The following TMEM44 variants were observed in gnomAD, a reference collection of about 807,000 sequenced individuals.
TMEM44 encodes the protein transmembrane protein 44.
Under a neutral mutation model 47.8 loss-of-function variants are expected in TMEM44, and 43 were observed. That is an observed-to-expected ratio of 0.90 (90% confidence interval 0.70 to 1.16). The LOEUF (loss-of-function observed/expected upper bound fraction) is 1.16, where lower values mean the gene tolerates loss of function less well. TMEM44 is among the 50% of genes most tolerant of loss of function. The pLI is 0.00. For synonymous variants in TMEM44, 277 were observed against 238.8 expected, an observed-to-expected ratio of 1.16 and a Z score of -1.48; for missense variants, 568 against 555.2, an observed-to-expected ratio of 1.02 and a Z score of -0.23.
At chr3:194,594,153 A>ATCTGTCTGTCTGTCTGTCTGTCTGTCTG (rs1553824446) in intron 9 of TMEM44, among the ~76,000 whole-genome samples, 65 of 148,392 alleles carry the variant, frequency 4.4e-4, no homozygotes, top group South Asian at 8.6e-4. Flanking sequence ...CTATCTATCT[A>ATCTGTCTGTCTGTCTGTCTGTCTGTCTG]TCTATCTATC....
In TMEM44 at chr3:194,600,185, G is replaced by A. The variant is rs533705872; in HGVS notation, c.1176+4102C>T. ...CAGCTCACTGCAACCTCCGCCTTCC[G>A]GGCTCAAGCAATCTTCCCACCTCAG... On this transcript the variant is annotated intron_variant, in intron 9 of 9. Coordinates refer to ENST00000347147, the MANE Select transcript of TMEM44 (RefSeq NM_001011655.3). 2.5e-3 allele frequency among the ~76,000 whole-genome samples: 378 copies of A among 152,276 alleles called. 2 individuals carry two copies. Among genetic ancestry groups the A allele is most frequent in the South Asian group, 0.021 (101 of 4,830 alleles).
At chr3:194,604,089 G>C (rs1379018520) in intron 9 of TMEM44, among the ~76,000 whole-genome samples, 198 bp downstream of exon 9, 4 of 152,134 alleles carry the variant, frequency 2.6e-5, no homozygotes, top group Non-Finnish European at 5.9e-5. Flanking sequence ...CCTGACCTCA[G>C]GTGATCCACC....
chr3:194,607,730 CG>C lies in TMEM44; in HGVS notation c.1017+3185del, dbSNP rs564082387. Among the ~76,000 whole-genome samples the C allele has an allele frequency of 1.1e-3, 161 of 152,288 alleles. 1 individual carries two copies. The highest frequency in any genetic ancestry group is 3.8e-3 in the African/African-American group (156 of 41,568). ...CCAGTACTCTGGCCCATAAGTACCA[CG>C]TAAGTGTTGGCTGCTGTTGTTTACT... On this transcript the variant is annotated intron_variant, in intron 8 of 9. Transcript: ENST00000347147.
At chr3:194,596,529 C>G (rs180717931) in intron 9 of TMEM44, among the ~76,000 whole-genome samples, 8 of 152,314 alleles carry the variant, frequency 5.3e-5, no homozygotes, top group Admixed American at 3.9e-4. Flanking sequence ...CGGCGGCTCA[C>G]ACCTGTAATC....
chr3:194,624,908 G>C (rs1005673238), intron 3 of TMEM44, among the ~76,000 whole-genome samples: 2 of 151,850 alleles, frequency 1.3e-5, no homozygotes, highest in Non-Finnish European at 2.9e-5. Context: ...TAGAGACAGG[G>C]TTTCACCATG....
At chr3:194,614,781 T>C (rs1331996545) in intron 7 of TMEM44, among the ~76,000 whole-genome samples, 1 of 152,244 alleles carries the variant, frequency 6.6e-6, no homozygotes, top group Non-Finnish European at 1.5e-5. Context: ...AGTAAATTAT[T>C]CAAAAGCTTC....
intron 9 of TMEM44, among the ~76,000 whole-genome samples, chr3:194,601,334 C>T (rs1403098670): frequency 1.4e-5 from 2 of 142,964 alleles, no homozygotes; most frequent in African/African-American, 5.2e-5. Context: ...GATGGAGTTT[C>T]GCTCTCGCTG....
At chr3:194,598,740 G>A (rs193127092) in intron 9 of TMEM44, among the ~76,000 whole-genome samples, 9 of 152,182 alleles carry the variant, frequency 5.9e-5, no homozygotes, top group Admixed American at 2.0e-4. Flanking sequence ...CTAGCGTACC[G>A]CAAGAAGTAT....
At chr3:194,599,048 A>G (rs1433188076) in intron 9 of TMEM44, among the ~76,000 whole-genome samples, 1 of 152,148 alleles carries the variant, frequency 6.6e-6, no homozygotes, top group Non-Finnish European at 1.5e-5. Flanking sequence ...AGAGACAGAC[A>G]CCCTGGGTGG....
intron 8 of TMEM44, among the ~76,000 whole-genome samples, chr3:194,609,955 G>A (rs1358209012): frequency 6.6e-6 from 1 of 152,076 alleles, no homozygotes; most frequent in Non-Finnish European, 1.5e-5. Flanking sequence ...ACGGCCGGAC[G>A]CAGTGGCTCA....
intron 9 of TMEM44, among the ~76,000 whole-genome samples, chr3:194,603,357 G>C (rs925540595): frequency 3.3e-5 from 5 of 152,200 alleles, no homozygotes; most frequent in East Asian, 1.9e-4. Context: ...GTGCTCCTCG[G>C]GGGGAGAAAA....
chr3:194,589,966 G>C (rs1006289061), intron 9 of TMEM44: 4 of 152,140 alleles, frequency 2.6e-5, no homozygotes, highest in African/African-American at 7.2e-5. Context: ...GACAGTACTA[G>C]GAAACCCAGG....
At position 194,633,243 on chromosome 3, in the gene TMEM44, C is replaced by T. The variant is rs1190111769; in HGVS notation, c.-28G>A. The T allele has an allele frequency of 7.3e-6, 9 of 1,233,016 alleles. No individual in the cohort carries two copies. The highest frequency in any genetic ancestry group is 8.2e-6 in the Non-Finnish European group (8 of 978,446). 76.4% of individuals were successfully genotyped at this position (1,233,016 alleles called of 1,614,324 possible). A position where few individuals can be genotyped will look rare whatever the true frequency, so the allele number is the denominator to read the frequency against. ...CGCGGCTGGGCGCGCGGCGCGGGGC[C>T]GGGGACCTGGGCGCAGCCTCCCTCG... On this transcript the variant is annotated 5_prime_UTR_variant, in exon 1 of 10. Transcript: ENST00000347147.
At chr3:194,613,148 AAAC>A (rs1332795713) in intron 7 of TMEM44, among the ~76,000 whole-genome samples, 3 of 152,018 alleles carry the variant, frequency 2.0e-5, no homozygotes, top group East Asian at 1.9e-4. Context: ...ATATTGCTGT[AAAC>A]AACACTTATT....
Position 194,592,090 on chromosome 3 carries a change from C to T in TMEM44, c.1177-3451G>A, listed in dbSNP as rs578253972. Among the ~76,000 whole-genome samples the T allele has an allele frequency of 2.5e-3, 378 of 152,028 alleles. 5 individuals are homozygous for T. Among genetic ancestry groups the T allele is most frequent in the Non-Finnish European group, 5.0e-3 (338 of 67,986 alleles). On this transcript the variant is annotated intron_variant, in intron 9 of 9. Coordinates refer to ENST00000347147, the MANE Select transcript of TMEM44 (RefSeq NM_001011655.3). Reference sequence around the variant, plus strand: ...AAAATTAGCCGGGCGCGGTGGCGGGCGCCTGTAGTCCCAGCTACTCGGGAG... The same window carrying T: ...AAAATTAGCCGGGCGCGGTGGCGGGTGCCTGTAGTCCCAGCTACTCGGGAG...
chr3:194,603,087 ATTGTCC>A (rs757266431), intron 9 of TMEM44, among the ~76,000 whole-genome samples: 1 of 152,104 alleles, frequency 6.6e-6, no homozygotes, highest in Non-Finnish European at 1.5e-5. Flanking sequence ...CGGCCGCTAC[ATTGTCC>A]TTGTGGTTCT....
At chr3:194,620,077 T>C (rs1473959396) in intron 5 of TMEM44, among the ~76,000 whole-genome samples, 1 of 151,928 alleles carries the variant, frequency 6.6e-6, no homozygotes, top group Admixed American at 6.6e-5. Flanking sequence ...GATCACCGAA[T>C]GTCAGGAGTT....
At chr3:194,613,885 A>G (rs76530730) in intron 7 of TMEM44, among the ~76,000 whole-genome samples, 57,443 of 151,102 alleles carry the variant, frequency 0.38, 11,712 homozygotes, top group East Asian at 0.78. Context: ...CACTTTGGGA[A>G]GCCGAGGTGG....
rs758870598 is a variant in TMEM44, at chr3:194,623,215, C to G, written c.612+9G>C. ...TGACCCACAGTCCCATCCCCACCCC[C>G]GGCCTCACAATTCTGGAGAGAGGGG... On this transcript the variant is annotated intron_variant, in intron 5 of 9. Coordinates refer to ENST00000347147, the MANE Select transcript of TMEM44 (RefSeq NM_001011655.3). 3.7e-6 allele frequency: 6 copies of G among 1,601,850 alleles called. No individual in the cohort carries two copies. The highest frequency in any genetic ancestry group is 4.3e-6 in the Non-Finnish European group (5 of 1,173,934).
Sources: allele counts gnomAD v4.1 joint callset (sites outside exome capture counted in the v4.1 genomes callset), GRCh38; gene constraint gnomAD v4.1.1; transcripts MANE v1.5; gene names NCBI Gene and HGNC (gene_info 2026-07-23, HGNC 2026-07-21).